The following CPXM1 variants were observed in gnomAD, a reference collection of about 807,000 sequenced individuals.
The protein encoded by CPXM1 is probable carboxypeptidase X1.
A neutral mutation model predicts 80.4 loss-of-function variants in CPXM1; 72 were observed. The ratio of observed to expected loss-of-function variants is 0.90; its 90% CI spans 0.74 to 1.09. The LOEUF (loss-of-function observed/expected upper bound fraction) is 1.09, where lower values mean the gene tolerates loss of function less well. CPXM1 is among the 50% of genes least tolerant of loss of function. The probability of loss-of-function intolerance (pLI) is 0.00; values close to 1 mark genes in which losing one functional copy is unlikely to be tolerated. For synonymous variants in CPXM1, 403 were observed against 405.6 expected (o/e 0.99, Z 0.08); for missense variants, 892 against 999.4 (o/e 0.89, Z 1.45).
rs1555792040 is a variant in CPXM1 at position 2,795,602 on chromosome 20, CG to C, written c.1716del (p.Ser574AlafsTer2). ...AACTCCACCCTCAGGCACATACTCC[CG>C]GGGACCGTGTGCCAGTCAGCCCCGT... ...IINGADWHTVPGSMNDFSYLH... is the reference protein window; with the variant it reads ...IINGADWHTVXGSMNDFSYLH... On this transcript the variant is annotated frameshift_variant, in exon 11 of 14. Coordinates refer to ENST00000380605, the MANE Select transcript of CPXM1 (RefSeq NM_019609.5). LOFTEE classifies it high-confidence loss of function. This position sits in a 1 kb window ranked among gnomAD's most constrained non-coding sequence, Gnocchi z 5.4. 3.1e-6 allele frequency: 5 copies of C among 1,612,860 alleles called. No homozygotes were observed. Among genetic ancestry groups the C allele is most frequent in the Non-Finnish European group, 3.4e-6 (4 of 1,179,176 alleles).
At position 2,798,745 on chromosome 20, in the gene CPXM1, G is replaced by T; in HGVS notation, c.321C>A (p.Pro107=). The change falls in exon 2 of 14, where the codon CCC becomes CCA. Residue 107 remains proline, a synonymous_variant. Coordinates refer to ENST00000380605, the MANE Select transcript of CPXM1 (RefSeq NM_019609.5). ...AAGTACCTGTTTCTTGTTTCTCAGCGGGGTCGAGGGTCCCTGCTGGAGTGG... is the reference window on the plus strand; with the variant it reads ...AAGTACCTGTTTCTTGTTTCTCAGCTGGGTCGAGGGTCCCTGCTGGAGTGG... ...VTPTPAGTLD[P]AEKQETGCPP... is the part of the protein sequence containing the mutation. 1 of 1,612,466 alleles carries T rather than the reference G, an allele frequency of 6.2e-7. No individual in the cohort carries two copies. The highest frequency in any genetic ancestry group is 8.5e-7 in the Non-Finnish European group (1 of 1,179,374).
intron 5 of CPXM1, 110 bp downstream of exon 5, chr20:2,797,857 TG>T: frequency 1.0e-6 from 1 of 964,590 alleles, no homozygotes; most frequent in Non-Finnish European, 1.6e-6. Context: ...CACACCCCCC[TG>T]GGAAGCCTAA....
chr20:2,794,300 C>A lies in CPXM1; in HGVS notation c.2095G>T (p.Val699Leu), dbSNP rs560382916. ...CTCTGTTTGGGAGTCTTGGTGAGCA[C>A]GAAATTGCAGGGGAAGGGGCCCTCT... ...FEEGPFPCNFVLTKTPKQRLR... is the reference protein window; with the variant it reads ...FEEGPFPCNFLLTKTPKQRLR... The change falls in exon 14 of 14, where the codon GTG becomes TTG. Residue 699 changes from valine to leucine, a missense_variant. By Grantham distance (32) the Val-to-Leu change is conservative (BLOSUM62 1). Coordinates refer to ENST00000380605, the MANE Select transcript of CPXM1 (RefSeq NM_019609.5). The surrounding 1 kb of genome is among the most constrained non-coding windows in gnomAD (Gnocchi z 5.2). The A allele has an allele frequency of 6.2e-7, 1 of 1,614,148 alleles. No homozygotes were observed. The highest frequency in any genetic ancestry group is 8.5e-7 in the Non-Finnish European group (1 of 1,180,040).
Position 2,794,433 on chromosome 20 carries a change from T to G in CPXM1, c.1964-2A>C. 1 of 1,613,632 alleles carries G rather than the reference T, an allele frequency of 6.2e-7. No individual in the cohort carries two copies. Among genetic ancestry groups the G allele is most frequent in the Non-Finnish European group, 8.5e-7 (1 of 1,179,618 alleles). ...GACGCCAATAATCCCCGCCCCACGC[T>G]GAGGAGAGTGAAGGGCACGATCAGG... On this transcript the variant is annotated splice_acceptor_variant, in intron 13 of 13. Transcript: ENST00000380605. LOFTEE classifies it high-confidence loss of function. This position sits in a 1 kb window ranked among gnomAD's most constrained non-coding sequence, Gnocchi z 5.2.
chr20:2,800,465 C>T lies in CPXM1; in HGVS notation c.108G>A (p.Lys36=), dbSNP rs756982178. The change falls in exon 1 of 14, where the codon AAG becomes AAA. Residue 36 remains lysine (K), a synonymous_variant. Transcript: ENST00000380605. Reference sequence around the variant, plus strand: ...GCAGGGCCGGGGTCGAGCCTGGGACCTTGGTGGTCCCGGGCTGCGCGAGGC... The same window carrying T: ...GCAGGGCCGGGGTCGAGCCTGGGACTTTGGTGGTCCCGGGCTGCGCGAGGC... ...VLGLAQPGTT[K]VPGSTPALHS... 2.7e-6 allele frequency: 4 copies of T among 1,473,610 alleles called. No homozygotes were observed. Among genetic ancestry groups the T allele is most frequent in the South Asian group, 1.3e-5 (1 of 76,534 alleles). 91.3% of individuals were successfully genotyped at this position (1,473,610 alleles called of 1,614,324 possible).
rs1386458524 is a variant in CPXM1 at position 2,796,923 on chromosome 20, C to T, written c.921+83G>A. ...CAGGGGCATACAAGCGCAGTCACAG[C>T]AGGTTGTGCCCCGGTGGGAAGGTGG... On this transcript the variant is annotated intron_variant, in intron 7 of 13. Coordinates refer to ENST00000380605, the MANE Select transcript of CPXM1 (RefSeq NM_019609.5). The surrounding 1 kb of genome is among the most constrained non-coding windows in gnomAD (Gnocchi z 6.8). 1 of 1,305,430 alleles carries T rather than the reference C, an allele frequency of 7.7e-7. No homozygotes were observed. Among genetic ancestry groups the T allele is most frequent in the South Asian group, 1.2e-5 (1 of 81,644 alleles). The allele number at this position is 1,305,430 out of a possible 1,614,324, so 80.9% of individuals were successfully genotyped here.
At position 2,796,719 on chromosome 20, in the gene CPXM1, A is replaced by G. The variant is rs1167181744; in HGVS notation, c.922-69T>C. ...CACCCAGGGGCAGATCACATGTGCCATGGAAAGACTTAAAAAGTCAGCGAT... is the reference window on the plus strand; with the variant it reads ...CACCCAGGGGCAGATCACATGTGCCGTGGAAAGACTTAAAAAGTCAGCGAT... On this transcript the variant is annotated intron_variant, in intron 7 of 13. Coordinates refer to ENST00000380605, the MANE Select transcript of CPXM1 (RefSeq NM_019609.5). This position sits in a 1 kb window ranked among gnomAD's most constrained non-coding sequence, Gnocchi z 6.8. The G allele has an allele frequency of 1.0e-5, 16 of 1,585,784 alleles. No homozygotes were observed. In the South Asian group the frequency reaches 1.7e-4, roughly 17 times the overall value.
rs1435084556 is a variant in CPXM1, at chr20:2,794,243, C to T, written c.2152G>A (p.Val718Met). The T allele has an allele frequency of 9.3e-6, 15 of 1,613,902 alleles. No individual in the cohort carries two copies. The highest frequency in any genetic ancestry group is 1.3e-5 in the African/African-American group (1 of 74,942). The change falls in exon 14 of 14, where the codon GTG becomes ATG. Residue 718 changes from valine to methionine, a missense_variant. This residue lies in a region of CPXM1 where 874 missense variants were observed against 958.4 expected (regional missense o/e 0.91). Coordinates refer to ENST00000380605, the MANE Select transcript of CPXM1 (RefSeq NM_019609.5). This position sits in a 1 kb window ranked among gnomAD's most constrained non-coding sequence, Gnocchi z 5.2. ...AGGCGCCTGCGAAGGTCCGGGGGCA[C>T]CTTGGCCCCAGCTGCCAGCAGCTCG... ...LRELLAAGAKVPPDLRRRLER... is the reference protein window; with the variant it reads ...LRELLAAGAKMPPDLRRRLER...
At position 2,795,732 on chromosome 20, in the gene CPXM1, A is replaced by G; in HGVS notation, c.1587T>C (p.Phe529=). The G allele has an allele frequency of 2.5e-6, 4 of 1,613,938 alleles. No homozygotes were observed. The South Asian group carries it at 4.4e-5, about 18-fold the overall frequency. Residue 529 remains phenylalanine, a synonymous_variant, in exon 11 of 14, where the codon TTT becomes TTC. Coordinates refer to ENST00000380605, the MANE Select transcript of CPXM1 (RefSeq NM_019609.5). The surrounding 1 kb of genome is among the most constrained non-coding windows in gnomAD (Gnocchi z 5.4). The stretch of plus-strand genomic sequence containing the variant: ...CAGCATAGACAGTGCTGAGCCAGCG[A>G]AACACAGCATCATCTGGTGTGGGCG... ...ELTPTPDDAV[F]RWLSTVYAGS...
Position 2,794,778 on chromosome 20 carries a change from AG to A in CPXM1, c.1861-140del. On this transcript the variant is annotated intron_variant, in intron 12 of 13. Transcript: ENST00000380605. This position sits in a 1 kb window ranked among gnomAD's most constrained non-coding sequence, Gnocchi z 5.2. Reference sequence around the variant, plus strand: ...GTTCCTAGGTGACACTACTTCTGGAAGAAAAAAAAAAAAGAAATCCTGATTG... The same window carrying A: ...GTTCCTAGGTGACACTACTTCTGGAAAAAAAAAAAAAAGAAATCCTGATTG... 3.3e-6 allele frequency: 2 copies of A among 610,266 alleles called. No homozygotes were observed. Among genetic ancestry groups the A allele is most frequent in the South Asian group, 2.0e-5 (1 of 49,824 alleles). The allele number at this position is 610,266 out of a possible 1,614,324, so 37.8% of individuals were successfully genotyped here. A position where few individuals can be genotyped will look rare whatever the true frequency, so the allele number is the denominator to read the frequency against.
chr20:2,794,706 C>T lies in CPXM1; in HGVS notation c.1861-67G>A. On this transcript the variant is annotated intron_variant, in intron 12 of 13. Coordinates refer to ENST00000380605, the MANE Select transcript of CPXM1 (RefSeq NM_019609.5). The surrounding 1 kb of genome is among the most constrained non-coding windows in gnomAD (Gnocchi z 5.2). ...GATAATGTGCTGTTTAGCTAACTTG[C>T]TGGCTCTGTTGCCCTGCAAACCTGA... 7.5e-7 allele frequency: 1 copy of T among 1,340,294 alleles called. No homozygotes were observed. The highest frequency in any genetic ancestry group is 1.1e-6 in the Non-Finnish European group (1 of 945,398). 83.0% of individuals were successfully genotyped at this position (1,340,294 alleles called of 1,614,324 possible).
intron 5 of CPXM1, among the ~76,000 whole-genome samples, chr20:2,797,761 G>A (rs1056272884): frequency 3.3e-5 from 5 of 152,230 alleles, no homozygotes; most frequent in Non-Finnish European, 7.3e-5. Context: ...ACCCTGTGGT[G>A]GCATTATCTG....
At position 2,798,828 on chromosome 20, in the gene CPXM1, T is replaced by C. The variant is rs781476303; in HGVS notation, c.238A>G (p.Lys80Glu). Residue 80 changes from lysine to glutamate, a missense_variant, in exon 2 of 14, where the codon AAG becomes GAG. Coordinates refer to ENST00000380605, the MANE Select transcript of CPXM1 (RefSeq NM_019609.5). ...KKKKVIMKKR[K>E]KLTLTRPTPL... ...GTGGGGCGAGTTAGAGTTAGCTTCT[T>C]CCGCTTCTTCATAATGACCTTTTTC... The C allele has an allele frequency of 2.5e-5, 41 of 1,613,960 alleles. No homozygotes were observed. The South Asian group carries it at 4.5e-4, about 18-fold the overall frequency.
intron 3 of CPXM1, 24 bp from the exon 4 acceptor site, chr20:2,798,315 C>T (rs1196267708): frequency 8.7e-6 from 14 of 1,612,818 alleles, no homozygotes; most frequent in Non-Finnish European, 1.2e-5. Context: ...ACATGGTGGT[C>T]AGGCCCAGTT....
Position 2,798,141 on chromosome 20 carries a change from G to C in CPXM1, c.590+11C>G. ...TCTGTGACCTCCTGACCTAGGGTTA[G>C]TCTGCCTCACCTCCAGACAGAGTTC... is the stretch of plus-strand genomic sequence containing the variant. On this transcript the variant is annotated intron_variant, in intron 4 of 13. Coordinates refer to ENST00000380605, the MANE Select transcript of CPXM1 (RefSeq NM_019609.5). 1.2e-6 allele frequency: 2 copies of C among 1,613,854 alleles called. No homozygotes were observed. Among genetic ancestry groups the C allele is most frequent in the South Asian group, 1.1e-5 (1 of 91,060 alleles).
chr20:2,799,480 A>G (rs1282294849), intron 1 of CPXM1, among the ~76,000 whole-genome samples: 2 of 152,124 alleles, frequency 1.3e-5, no homozygotes, highest in Non-Finnish European at 2.9e-5. Flanking sequence ...GCCCTTCAGC[A>G]CAAGGCTCTG....
Position 2,798,787 on chromosome 20 carries a change from G to A in CPXM1, c.279C>T (p.Ala93=), listed in dbSNP as rs761647511. The A allele has an allele frequency of 1.1e-5, 18 of 1,613,888 alleles. No individual in the cohort carries two copies. The highest frequency in any genetic ancestry group is 1.1e-4 in the South Asian group (10 of 91,066). Residue 93 remains alanine (A), a synonymous_variant, in exon 2 of 14, where the codon GCC becomes GCT. Coordinates refer to ENST00000380605, the MANE Select transcript of CPXM1 (RefSeq NM_019609.5). ...TLTRPTPLVT[A]GPLVTPTPAG... ...CTGGAGTGGGGGTCACAAGGGGCCC[G>A]GCAGTCACCAGTGGGGTGGGGCGAG...
rs775552267 is a variant in CPXM1 at position 2,798,338 on chromosome 20, G to A, written c.451-47C>T. On this transcript the variant is annotated intron_variant, in intron 3 of 13. Transcript: ENST00000380605. ...GTCAGGCCCAGTTGGACAGAGTGGG[G>A]CAGGCCAGGACAGAGAGGAGGCAGG... The A allele has an allele frequency of 7.5e-6, 12 of 1,609,784 alleles. No individual in the cohort carries two copies. In the South Asian group the frequency reaches 1.1e-4, roughly 15 times the overall value.
At chr20:2,798,926 G>C (rs1345098452) in intron 1 of CPXM1, 33 bp from the exon 2 acceptor site, 1 of 1,597,852 alleles carries the variant, frequency 6.3e-7, no homozygotes, top group East Asian at 2.2e-5. Context: ...ATGGGGGAAA[G>C]GAAGAATGGT....
Sources: allele counts gnomAD v4.1 joint callset (sites outside exome capture counted in the v4.1 genomes callset), GRCh38; gene constraint gnomAD v4.1.1; regional missense constraint gnomAD v4.1.1; non-coding constraint Gnocchi (gnomAD v3.1); transcripts MANE v1.5; gene names NCBI Gene and HGNC (gene_info 2026-07-23, HGNC 2026-07-21).